DNMT3B: variants seen among roughly 807,000 people sequenced by gnomAD.
DNMT3B encodes DNA methyltransferase 3 beta.
In DNMT3B, 37 loss-of-function variants were observed where a neutral mutation model predicts 120.2. The ratio of observed to expected loss-of-function variants is 0.31; its 90% CI spans 0.24 to 0.40. DNMT3B has a LOEUF of 0.40. Ranked by LOEUF, DNMT3B falls within the 10% of genes least tolerant of loss-of-function variation. DNMT3B has a pLI of 1.00. For synonymous variants in DNMT3B, 412 were observed against 442.8 expected (o/e 0.93, Z 0.87); for missense variants, 878 against 1,137.3 (o/e 0.77, Z 3.28).
chr20:32,787,858 T>C (rs1979512113), intron 6 of DNMT3B, among the ~76,000 whole-genome samples: 1 of 151,124 alleles, frequency 6.6e-6, no homozygotes, highest in South Asian at 2.1e-4. Flanking sequence ...GAGATAGGGG[T>C]GGGGCCATTT....
intron 7 of DNMT3B, among the ~76,000 whole-genome samples, chr20:32,791,296 C>G (rs1979947727): frequency 6.6e-6 from 1 of 152,194 alleles, no homozygotes; most frequent in African/African-American, 2.4e-5. Context: ...GGGACACCTG[C>G]TTGGAAAATG....
intron 2 of DNMT3B, 106 bp downstream of exon 2, chr20:32,780,571 A>C: frequency 6.6e-7 from 1 of 1,505,078 alleles, no homozygotes; most frequent in Non-Finnish European, 8.9e-7. Context: ...CTCCACCACA[A>C]TTCCCCGGGA....
intron 11 of DNMT3B, 51 bp from the exon 12 acceptor site, chr20:32,795,599 T>C: frequency 2.5e-6 from 4 of 1,614,204 alleles, no homozygotes; most frequent in Non-Finnish European, 3.4e-6. Context: ...CAGGAATTGA[T>C]CTGTACCCGG....
At chr20:32,788,007 A>G (rs1367915006) in intron 6 of DNMT3B, among the ~76,000 whole-genome samples, 2 of 152,126 alleles carry the variant, frequency 1.3e-5, no homozygotes, top group African/African-American at 4.8e-5. Context: ...TCACAAGGTA[A>G]TGTCATCACT....
intron 15 of DNMT3B, 43 bp downstream of exon 15, chr20:32,798,686 G>C: frequency 6.2e-7 from 1 of 1,612,262 alleles, no homozygotes; most frequent in Non-Finnish European, 8.5e-7. Context: ...GATCCCAGGG[G>C]CACAGGGTGT....
intron 20 of DNMT3B, among the ~76,000 whole-genome samples, chr20:32,804,957 T>C (rs1175194743): frequency 6.6e-6 from 1 of 152,134 alleles, no homozygotes; most frequent in Non-Finnish European, 1.5e-5. Flanking sequence ...CACAAAAATC[T>C]ATTCCAAGCT....
chr20:32,784,928 A>G, intron 4 of DNMT3B, 69 bp downstream of exon 4: 7 of 1,402,018 alleles, frequency 5.0e-6, no homozygotes, highest in Non-Finnish European at 7.1e-6. Context: ...AGCATGCTAC[A>G]TACATAGCAT....
At chr20:32,805,156 C>G (rs1374375889) in intron 20 of DNMT3B, among the ~76,000 whole-genome samples, 182 bp from the exon 21 acceptor site, 1 of 152,168 alleles carries the variant, frequency 6.6e-6, no homozygotes, top group African/African-American at 2.4e-5. Flanking sequence ...GCTGTCCCCT[C>G]TAGCCCATCC....
intron 1 of DNMT3B, among the ~76,000 whole-genome samples, chr20:32,765,634 C>G (rs1987290500): frequency 6.7e-6 from 1 of 150,130 alleles, no homozygotes; most frequent in Non-Finnish European, 1.5e-5. Flanking sequence ...TTGGCAAGGC[C>G]GGTCTCAAAC....
chr20:32,796,863 A>T lies in DNMT3B; in HGVS notation c.1371A>T (p.Thr457=), dbSNP rs761424417. 6.2e-7 allele frequency: 1 copy of T among 1,614,044 alleles called. No individual in the cohort carries two copies. The highest frequency in any genetic ancestry group is 1.3e-5 in the African/African-American group (1 of 74,916). The change falls in exon 13 of 23, where the codon ACA becomes ACT. Residue 457 remains threonine (T), a synonymous_variant. Coordinates refer to ENST00000328111, the MANE Select transcript of DNMT3B (RefSeq NM_006892.4). ...TCTTTGAGGGGGGGCTCTGTCAGACATGCCGGGTAAGTCCTCCTACTACTG... is the reference window on the plus strand; with the variant it reads ...TCTTTGAGGGGGGGCTCTGTCAGACTTGCCGGGTAAGTCCTCCTACTACTG... The part of the protein sequence containing the change: ...HPLFEGGLCQ[T]CRDRFLELFY...
chr20:32,778,290 C>T (rs1304349659), intron 1 of DNMT3B, among the ~76,000 whole-genome samples: 4 of 151,670 alleles, frequency 2.6e-5, no homozygotes, highest in African/African-American at 4.8e-5. Flanking sequence ...GAGCTGAGAT[C>T]GTGCCATTGC....
intron 2 of DNMT3B, 120 bp from the exon 3 acceptor site, chr20:32,781,233 C>A: frequency 1.0e-6 from 1 of 967,198 alleles, no homozygotes; most frequent in South Asian, 1.4e-5. Context: ...ATCCCTGTGG[C>A]TGACAATAGT....
At chr20:32,786,697 T>C in intron 5 of DNMT3B, 70 bp downstream of exon 5, 4 of 1,606,412 alleles carry the variant, frequency 2.5e-6, no homozygotes, top group Non-Finnish European at 3.4e-6. Flanking sequence ...CTCACTGCAC[T>C]ACTGGTTGTG....
intron 2 of DNMT3B, 89 bp from the exon 3 acceptor site, chr20:32,781,264 C>T (rs746722947): frequency 5.9e-5 from 82 of 1,389,224 alleles, no homozygotes; most frequent in Non-Finnish European, 7.0e-5. Flanking sequence ...TCCCAGGCCA[C>T]GCCACGGAGA....
chr20:32,786,000 C>T (rs1270655501), intron 4 of DNMT3B, among the ~76,000 whole-genome samples: 2 of 152,126 alleles, frequency 1.3e-5, no homozygotes. Context: ...TCTCCTGCCT[C>T]AGCCTCCTGA....
intron 1 of DNMT3B, among the ~76,000 whole-genome samples, chr20:32,768,239 A>G (rs1364521764): frequency 2.8e-5 from 4 of 141,116 alleles, no homozygotes; most frequent in African/African-American, 1.1e-4. Flanking sequence ...CTTGTCGCCC[A>G]GGCTGGAGTG....
At position 32,787,250 on chromosome 20, in the gene DNMT3B, A is replaced by G. The variant is rs544221847; in HGVS notation, c.453A>G (p.Thr151=). The change falls in exon 6 of 23, where the codon ACA becomes ACG. Residue 151 remains threonine (T), a synonymous_variant. Coordinates refer to ENST00000328111, the MANE Select transcript of DNMT3B (RefSeq NM_006892.4). ...PATRSLRRRA[T]ASAGTPWPSP... ...CACAGTCCCTGAGACGGCGGGCAAC[A>G]GCATCGGCAGGAACGCCATGGCCGT... is the stretch of plus-strand genomic sequence containing the variant. 34 of 1,614,260 alleles carry G rather than the reference A, an allele frequency of 2.1e-5. No individual in the cohort carries two copies. In the South Asian group the frequency reaches 3.6e-4, roughly 17 times the overall value.
intron 19 of DNMT3B, 130 bp downstream of exon 19, chr20:32,801,556 G>A (rs1463383027): frequency 8.0e-7 from 1 of 1,257,466 alleles, no homozygotes; most frequent in Non-Finnish European, 1.1e-6. Context: ...AGATCCAATA[G>A]TGAGGGATTC....
intron 1 of DNMT3B, among the ~76,000 whole-genome samples, chr20:32,777,039 AG>A (rs1988103775): frequency 2.0e-5 from 3 of 152,228 alleles, no homozygotes; most frequent in Non-Finnish European, 4.4e-5. Context: ...CAATGAGGGT[AG>A]TTAATTTCAC....
Sources: allele counts gnomAD v4.1 joint callset (sites outside exome capture counted in the v4.1 genomes callset), GRCh38; gene constraint gnomAD v4.1.1; transcripts MANE v1.5; gene names NCBI Gene and HGNC (gene_info 2026-07-23, HGNC 2026-07-21).